ARHGEF15: variants seen among roughly 807,000 people sequenced by gnomAD.
ARHGEF15 encodes Rho guanine nucleotide exchange factor 15, also known as Rho guanine nucleotide exchange factor (GEF) 15.
In ARHGEF15, 58 loss-of-function variants were observed where a neutral mutation model predicts 79.7. The observed-to-expected ratio is 0.73, with a 90% CI of 0.59 to 0.91. ARHGEF15 has a LOEUF of 0.91. Ranked by LOEUF, ARHGEF15 falls within the 40% of genes least tolerant of loss-of-function variation. ARHGEF15 has a pLI of 0.00. For synonymous variants in ARHGEF15, 442 were observed against 456.0 expected (o/e 0.97, Z 0.39); for missense variants, 1,012 against 1,108.1 (o/e 0.91, Z 1.23).
chr17:8,321,149 C>A lies in ARHGEF15; in HGVS notation c.*156C>A. On this transcript the variant is annotated 3_prime_UTR_variant, in exon 16 of 16. Transcript: ENST00000361926. The stretch of plus-strand genomic sequence containing the variant: ...TTCAGGACAGAGCAGCCAATGAAAA[C>A]GGCCGCCTGAACCCACAGCAATAAG... 9.8e-7 allele frequency: 1 copy of A among 1,015,670 alleles called. No homozygotes were observed. Among genetic ancestry groups the A allele is most frequent in the African/African-American group, 1.6e-5 (1 of 61,988 alleles). The allele number at this position is 1,015,670 out of a possible 1,614,324, so 62.9% of individuals were successfully genotyped here. A position where few individuals can be genotyped will look rare whatever the true frequency, so the allele number is the denominator to read the frequency against.
rs17857129 is a variant in ARHGEF15 at position 8,312,503 on chromosome 17, G to A, written c.464G>A (p.Gly155Asp). The A allele has an allele frequency of 7.4e-6, 12 of 1,612,420 alleles. No individual in the cohort carries two copies. Among genetic ancestry groups the A allele is most frequent in the Non-Finnish European group, 1.0e-5 (12 of 1,179,370 alleles). The change falls in exon 2 of 16, where the codon GGC (glycine) becomes GAC (aspartate). Residue 155 changes from glycine (G) to aspartate (D), a missense_variant. By Grantham distance (94) the Gly-to-Asp change is moderately conservative. Around this residue, in one of 3 missense-constraint regions of ARHGEF15, gnomAD observed 818 missense variants for 882.5 expected, o/e 0.93. Transcript: ENST00000361926. ...CCTGGCACTGTGCGGAGGCTGGCTG[G>A]CAGGTTTGAAGGGGGTGCTGAAGGC... is the stretch of plus-strand genomic sequence containing the variant. ...SAPGTVRRLA[G>D]RFEGGAEGRA... is the part of the protein sequence containing the mutation.
chr17:8,315,296 A>C lies in ARHGEF15; in HGVS notation c.1260+19A>C, dbSNP rs1362546827. The C allele has an allele frequency of 1.9e-6, 3 of 1,611,262 alleles. No homozygotes were observed. Among genetic ancestry groups the C allele is most frequent in the Non-Finnish European group, 2.5e-6 (3 of 1,179,050 alleles). On this transcript the variant is annotated intron_variant, in intron 6 of 15. Transcript: ENST00000361926. This position sits in a 1 kb window ranked among gnomAD's most constrained non-coding sequence, Gnocchi z 4.3. ...GCAGGAGGTGGGAGCTGGAGGTGGG[A>C]GATGGGAGGGGGGTGCTGGGGTTGG...
In ARHGEF15 at chr17:8,318,052, G is replaced by A; in HGVS notation, c.1705-335G>A. 1 of 189,556 alleles carries A rather than the reference G, an allele frequency of 5.3e-6. No individual in the cohort carries two copies. The highest frequency in any genetic ancestry group is 2.3e-5 in the African/African-American group (1 of 42,706). 11.7% of individuals were successfully genotyped at this position (189,556 alleles called of 1,614,324 possible). A position where few individuals can be genotyped will look rare whatever the true frequency, so the allele number is the denominator to read the frequency against. ...CCCCTGCACTCCAGCCTGGGTGACA[G>A]AGCCAGACTCCGGAAGAAAAAAAAA... On this transcript the variant is annotated intron_variant, in intron 9 of 15. Coordinates refer to ENST00000361926, the MANE Select transcript of ARHGEF15 (RefSeq NM_173728.4). This position sits in a 1 kb window ranked among gnomAD's most constrained non-coding sequence, Gnocchi z 5.0.
In ARHGEF15 at chr17:8,319,570, G is replaced by A. The variant is rs779116620; in HGVS notation, c.2341G>A (p.Ala781Thr). The change falls in exon 15 of 16, where the codon GCT becomes ACT. Residue 781 changes from alanine to threonine, a missense_variant. Ala to Thr is a moderately conservative substitution (Grantham distance 58, BLOSUM62 0). This residue lies in a region of ARHGEF15 where 132 missense variants were observed against 124.2 expected (regional missense o/e 1.06). Transcript: ENST00000361926. ...TGAAGGACGGAGTCTGGAGTCCAGG[G>A]CTGCCCCCAAACACCTGCACAAGAC... ...KTEGRSLESR[A>T]APKHLHKTPE... The A allele has an allele frequency of 5.6e-6, 9 of 1,607,184 alleles. No individual in the cohort carries two copies. The African/African-American group carries it at 1.1e-4, about 19-fold the overall frequency.
At position 8,318,917 on chromosome 17, in the gene ARHGEF15, C is replaced by G. The variant is rs1905199907; in HGVS notation, c.2033+7C>G. On this transcript the variant is annotated splice_region_variant and intron_variant, in intron 12 of 15. Transcript: ENST00000361926. This position sits in a 1 kb window ranked among gnomAD's most constrained non-coding sequence, Gnocchi z 5.0. ...TCATCACTCAGCCTAAGAGGTGAGT[C>G]CTAGGGAAGGAAGGAGCCCAGGCTG... is the stretch of plus-strand genomic sequence containing the variant. 6.2e-7 allele frequency: 1 copy of G among 1,611,026 alleles called. No individual in the cohort carries two copies. The highest frequency in any genetic ancestry group is 8.5e-7 in the Non-Finnish European group (1 of 1,179,292).
Position 8,312,551 on chromosome 17 carries a change from C to T in ARHGEF15, c.512C>T (p.Pro171Leu), listed in dbSNP as rs147736312. 1.1e-4 allele frequency: 178 copies of T among 1,608,396 alleles called. No individual in the cohort carries two copies. Among genetic ancestry groups the T allele is most frequent in the East Asian group, 1.6e-4 (7 of 44,798 alleles). The change falls in exon 2 of 16, where the codon CCG becomes CTG. Residue 171 changes from proline (P) to leucine (L), a missense_variant. Physicochemically the swap from Pro to Leu is moderately conservative, Grantham distance 98. Around this residue, in one of 3 missense-constraint regions of ARHGEF15, gnomAD observed 818 missense variants for 882.5 expected, o/e 0.93. Transcript: ENST00000361926. ...GGCCGGGCTCAGGATGCAGATGCCC[C>T]GGAGCCAGGTCTCCAAGCGAGAGCA... is the stretch of plus-strand genomic sequence containing the variant. ...AEGRAQDADA[P>L]EPGLQARADV...
At chr17:8,313,444 G>T in intron 3 of ARHGEF15, 57 bp from the exon 4 acceptor site, 2 of 1,590,006 alleles carry the variant, frequency 1.3e-6, no homozygotes, top group South Asian at 1.1e-5. Context: ...GGAGTCGGGA[G>T]TCCTGGCTGG....
chr17:8,312,687 C>G, intron 2 of ARHGEF15, 47 bp downstream of exon 2: 1 of 1,610,280 alleles, frequency 6.2e-7, no homozygotes, highest in East Asian at 2.2e-5. Context: ...ATCCACCCAT[C>G]TTCTCCGTTT....
At chr17:8,319,219 C>T (rs1905219666) in intron 13 of ARHGEF15, 60 bp downstream of exon 13, 2 of 1,606,182 alleles carry the variant, frequency 1.2e-6, no homozygotes, top group Admixed American at 3.4e-5. Context: ...CTCAGACCTC[C>T]CCCACTTCCC....
At chr17:8,320,117 A>T (rs1905288952) in intron 15 of ARHGEF15, among the ~76,000 whole-genome samples, 1 of 152,000 alleles carries the variant, frequency 6.6e-6, no homozygotes. Flanking sequence ...TTTATTAAGC[A>T]CCTACAAAGT....
At chr17:8,320,061 T>C (rs1326194028) in intron 15 of ARHGEF15, among the ~76,000 whole-genome samples, 2 of 151,924 alleles carry the variant, frequency 1.3e-5, no homozygotes, top group Non-Finnish European at 2.9e-5. Flanking sequence ...ATTACAGGCG[T>C]GAGCCACTGC....
chr17:8,312,308 C>T lies in ARHGEF15; in HGVS notation c.269C>T (p.Ser90Phe). ...AGAGCCAGCCTCGACTCCCAGACTT[C>T]CCCAGACTCACCTTCCAGCACCCCC... ...ASRASLDSQT[S>F]PDSPSSTPTP... Residue 90 changes from serine to phenylalanine, a missense_variant, in exon 2 of 16, where the codon TCC (serine) becomes TTC (phenylalanine). This residue lies in a region of ARHGEF15 where 818 missense variants were observed against 882.5 expected (regional missense o/e 0.93). Transcript: ENST00000361926. The T allele has an allele frequency of 6.4e-7, 1 of 1,568,258 alleles. No individual in the cohort carries two copies. The highest frequency in any genetic ancestry group is 1.7e-4 in the Middle Eastern group (1 of 5,838).
At chr17:8,312,743 A>G in intron 2 of ARHGEF15, 103 bp downstream of exon 2, 1 of 1,597,160 alleles carries the variant, frequency 6.3e-7, no homozygotes, top group Non-Finnish European at 8.5e-7. Context: ...AAATGGAGTT[A>G]ATGTTTGGGA....
chr17:8,319,290 C>G (rs748856633), intron 13 of ARHGEF15, 22 bp from the exon 14 acceptor site: 1 of 1,612,128 alleles, frequency 6.2e-7, no homozygotes, highest in East Asian at 2.2e-5. Flanking sequence ...CCAACTGTGA[C>G]ACTTCCCAAT....
chr17:8,315,249 T>A lies in ARHGEF15; in HGVS notation c.1232T>A (p.Leu411His). Reference protein sequence around the residue: ...AVQASGLLDTLSPQERRMQES... With the variant: ...AVQASGLLDTHSPQERRMQES... ...CAAGCCAGCGGTCTTCTGGATACCC[T>A]CAGCCCCCAGGAGAGGCGCATGCAG... The change falls in exon 6 of 16, where the codon CTC (leucine) becomes CAC (histidine). Residue 411 changes from leucine to histidine, a missense_variant. Leu to His is a moderately conservative substitution (Grantham distance 99). This residue lies in a region of ARHGEF15 where 818 missense variants were observed against 882.5 expected (regional missense o/e 0.93). Coordinates refer to ENST00000361926, the MANE Select transcript of ARHGEF15 (RefSeq NM_173728.4). The surrounding 1 kb of genome is among the most constrained non-coding windows in gnomAD (Gnocchi z 4.3). 7 of 1,613,186 alleles carry A rather than the reference T, an allele frequency of 4.3e-6. No homozygotes were observed. In the East Asian group the frequency reaches 1.6e-4, roughly 36 times the overall value.
chr17:8,314,850 C>A, intron 4 of ARHGEF15, 56 bp from the exon 5 acceptor site: 1 of 1,605,382 alleles, frequency 6.2e-7, no homozygotes, highest in South Asian at 1.1e-5. Flanking sequence ...ACAAGCACCC[C>A]TACGGTGGGC....
Position 8,313,065 on chromosome 17 carries a change from T to C in ARHGEF15, c.745T>C (p.Ser249Pro). The change falls in exon 3 of 16, where the codon TCC becomes CCC. Residue 249 changes from serine (S) to proline (P), a missense_variant. Transcript: ENST00000361926. ...RRASPLRTSR[S>P]RPHPPSIGHP... is the part of the protein sequence containing the mutation. ...GGCCTCCCCGCTGCGGACCTCTCGC[T>C]CCCGCCCCCACCCTCCAAGCATCGG... is the stretch of plus-strand genomic sequence containing the variant. 1 of 1,593,378 alleles carries C rather than the reference T, an allele frequency of 6.3e-7. No homozygotes were observed.
intron 4 of ARHGEF15, 92 bp downstream of exon 4, chr17:8,313,647 C>T: frequency 2.2e-6 from 3 of 1,386,236 alleles, no homozygotes; most frequent in Non-Finnish European, 3.0e-6. Flanking sequence ...CTAAATCCCA[C>T]CTCCACAAAG....
chr17:8,318,894 A>C lies in ARHGEF15; in HGVS notation c.2017A>C (p.Ile673Leu). Reference protein sequence around the residue: ...CLLLFSDLLLITQPKSGQRLQ... With the variant: ...CLLLFSDLLLLTQPKSGQRLQ... ...GCTGCTCTTTAGCGACCTGCTGCTC[A>C]TCACTCAGCCTAAGAGGTGAGTCCT... is the stretch of plus-strand genomic sequence containing the variant. Residue 673 changes from isoleucine to leucine, a missense_variant, in exon 12 of 16, where the codon ATC (isoleucine) becomes CTC (leucine). By Grantham distance (5) the Ile-to-Leu change is conservative. Around this residue, in one of 3 missense-constraint regions of ARHGEF15, gnomAD observed 62 missense variants for 101.3 expected, o/e 0.61. Transcript: ENST00000361926. This position sits in a 1 kb window ranked among gnomAD's most constrained non-coding sequence, Gnocchi z 5.0. 1 of 1,612,670 alleles carries C rather than the reference A, an allele frequency of 6.2e-7. No individual in the cohort carries two copies. Among genetic ancestry groups the C allele is most frequent in the Non-Finnish European group, 8.5e-7 (1 of 1,179,940 alleles).
Sources: gnomAD v4.1 joint callset for allele counts (sites outside exome capture counted in the v4.1 genomes callset) on GRCh38, gnomAD v4.1.1 for gene constraint, gnomAD v4.1.1 regional missense constraint, Gnocchi (gnomAD v3.1) non-coding constraint, MANE v1.5 for transcripts, NCBI Gene and HGNC (gene_info 2026-07-23, HGNC 2026-07-21) for gene names.